PLAGL1: variants seen among roughly 807,000 people sequenced by gnomAD.
The protein encoded by PLAGL1 is zinc finger protein PLAGL1.
PLAGL1 carries 1 observed loss-of-function variant against 4.6 expected under a neutral mutation model. That is an observed-to-expected ratio of 0.22 (90% CI 0.08 to 1.03). PLAGL1 has a LOEUF of 1.03. Among genes scored for constraint, PLAGL1 ranks in the 50% least tolerant of loss-of-function variants. The pLI is 0.58. For missense variants in PLAGL1, 464 were observed against 570.4 expected (o/e 0.81, Z 1.90); for synonymous variants, 240 against 237.8 (o/e 1.01, Z -0.08).
At chr6:144,051,177 A>T (rs1042179276) in intron 1 of PLAGL1, among the ~76,000 whole-genome samples, 1 of 152,238 alleles carries the variant, frequency 6.6e-6, no homozygotes, top group African/African-American at 2.4e-5. Context: ...TTTTCTATAT[A>T]TCACACAATT....
At chr6:144,035,401 G>C (rs1218364221) in intron 1 of PLAGL1, among the ~76,000 whole-genome samples, 1 of 152,150 alleles carries the variant, frequency 6.6e-6, no homozygotes, top group Non-Finnish European at 1.5e-5. Context: ...AATGTTCAAG[G>C]GCAGCAAGCA....
At chr6:143,987,971 A>G (rs559564517) in intron 1 of PLAGL1, among the ~76,000 whole-genome samples, 1 of 152,210 alleles carries the variant, frequency 6.6e-6, no homozygotes, top group South Asian at 2.1e-4. Context: ...CTTGTTTCTC[A>G]TATCTTTCTA....
Position 143,948,220 on chromosome 6 carries a change from G to A in PLAGL1, c.-84C>T. On this transcript the variant is annotated 5_prime_UTR_variant, in exon 7 of 8. Coordinates refer to ENST00000674357, the MANE Select transcript of PLAGL1 (RefSeq NM_001317162.2). This position sits in a 1 kb window ranked among gnomAD's most constrained non-coding sequence, Gnocchi z 6.0. ...AGCACAAACAGAACGATGGTGCTGG[G>A]CACATCAGCAGAGTCCCTGCAGCTG... The A allele has an allele frequency of 7.8e-7, 1 of 1,285,290 alleles. No homozygotes were observed. Among genetic ancestry groups the A allele is most frequent in the Non-Finnish European group, 1.1e-6 (1 of 901,846 alleles). 79.6% of individuals were successfully genotyped at this position (1,285,290 alleles called of 1,614,324 possible). A position where few individuals can be genotyped will look rare whatever the true frequency, so the allele number is the denominator to read the frequency against.
chr6:144,033,691 G>A (rs779199522), intron 1 of PLAGL1, among the ~76,000 whole-genome samples: 11 of 152,218 alleles, frequency 7.2e-5, no homozygotes, highest in Non-Finnish European at 1.2e-4. Flanking sequence ...AGATGTCCAA[G>A]TTTAGAACTG....
rs1257837739 is a variant in PLAGL1, at chr6:143,960,948, C to G, written c.-398-406G>C. 1 of 152,132 alleles carries G rather than the reference C, an allele frequency of 6.6e-6. No individual in the cohort carries two copies. The highest frequency in any genetic ancestry group is 1.5e-5 in the Non-Finnish European group (1 of 68,016). The allele number at this position is 152,132 out of a possible 1,614,324, so 9.4% of individuals were successfully genotyped here. Reference sequence around the variant, plus strand: ...AATTGAAAGAAAGTCAGCAAATAACCAGTTGGCACTCAACAAAGGAGATTC... The same window carrying G: ...AATTGAAAGAAAGTCAGCAAATAACGAGTTGGCACTCAACAAAGGAGATTC... On this transcript the variant is annotated intron_variant, in intron 5 of 7. Coordinates refer to ENST00000674357, the MANE Select transcript of PLAGL1 (RefSeq NM_001317162.2). This position sits in a 1 kb window ranked among gnomAD's most constrained non-coding sequence, Gnocchi z 5.7.
At chr6:143,981,182 G>A (rs888324085) in intron 2 of PLAGL1, among the ~76,000 whole-genome samples, 5 of 142,796 alleles carry the variant, frequency 3.5e-5, no homozygotes, top group African/African-American at 1.0e-4. Context: ...TTGCCTCATC[G>A]CTGAAGCATT....
chr6:144,033,941 C>A (rs1216948171), intron 1 of PLAGL1, among the ~76,000 whole-genome samples: 1 of 152,166 alleles, frequency 6.6e-6, no homozygotes, highest in Non-Finnish European at 1.5e-5. Flanking sequence ...TATAAATGTG[C>A]TCCAAACACT....
Position 143,948,129 on chromosome 6 carries a change from G to A in PLAGL1, c.8C>T (p.Thr3Met), listed in dbSNP as rs529372879. 7.4e-6 allele frequency: 12 copies of A among 1,613,206 alleles called. No individual in the cohort carries two copies. Among genetic ancestry groups the A allele is most frequent in the Admixed American group, 5.0e-5 (3 of 59,988 alleles). ...CTTGCCACATAACTGGCAGGGGAAC[G>A]TGGCCATGGGCTTTGCTTCTCACAC... is the stretch of plus-strand genomic sequence containing the variant. MATFPCQLCGKTF... is the reference protein window; with the variant it reads MAMFPCQLCGKTF... Residue 3 changes from threonine (T) to methionine (M), a missense_variant, in exon 7 of 8, where the codon ACG (threonine) becomes ATG (methionine). Coordinates refer to ENST00000674357, the MANE Select transcript of PLAGL1 (RefSeq NM_001317162.2). This position sits in a 1 kb window ranked among gnomAD's most constrained non-coding sequence, Gnocchi z 6.0.
In PLAGL1 at chr6:144,054,084, TTTATAA is replaced by T. The variant is rs1475515889; in HGVS notation, c.-151+10378_-151+10383del. On this transcript the variant is annotated intron_variant, in intron 1 of 3. Coordinates refer to the PLAGL1 transcript ENST00000437412. ...TGTACCTATAAATCCAATAAAGTGC[TTTATAA>T]TTATAAAGTCTCATTCTATAACATA... Among the ~76,000 whole-genome samples, 22 of 152,348 alleles carry T rather than the reference TTTATAA, an allele frequency of 1.4e-4. No individual in the cohort carries two copies. In the East Asian group the frequency reaches 3.9e-3, roughly 27 times the overall value.
rs571723935 is a variant in PLAGL1 at position 143,965,553 on chromosome 6, AG to A, written c.-431+604del. The A allele has an allele frequency of 9.2e-5, 14 of 152,358 alleles. No homozygotes were observed. Among genetic ancestry groups the A allele is most frequent in the Admixed American group, 8.5e-4 (13 of 15,310 alleles). The allele number at this position is 152,358 out of a possible 1,614,324, so 9.4% of individuals were successfully genotyped here. On this transcript the variant is annotated intron_variant, in intron 4 of 7. Coordinates refer to ENST00000674357, the MANE Select transcript of PLAGL1 (RefSeq NM_001317162.2). This position sits in a 1 kb window ranked among gnomAD's most constrained non-coding sequence, Gnocchi z 7.5. ...CCTGTTGCAGAGGCAGAGATTGCCA[AG>A]ATGGTCTCCTTGGGGTTTGAGGCAC...
At chr6:144,010,732 G>C (rs745504625), upstream of PLAGL1, among the ~76,000 whole-genome samples, 2 of 152,156 alleles carry the variant, frequency 1.3e-5, no homozygotes, top group Non-Finnish European at 2.9e-5. This position sits in a 1 kb window ranked among gnomAD's most constrained non-coding sequence, Gnocchi z 4.1. Context: ...AACCAAAACT[G>C]CATGGTACTG....
rs901287523 is a variant in PLAGL1 at position 143,945,760 on chromosome 6, C to CT, written c.152+2224dup. 2.7e-3 allele frequency among the ~76,000 whole-genome samples: 412 copies of CT among 152,190 alleles called. 4 individuals carry two copies. The highest frequency in any genetic ancestry group is 9.4e-3 in the African/African-American group (391 of 41,544). ...AAAGTGCTGGGATTACAGGCATCAT[C>CT]TTTTTTTTAAAAGCAAAACCGAAAG... On this transcript the variant is annotated intron_variant, in intron 7 of 7. Coordinates refer to ENST00000674357, the MANE Select transcript of PLAGL1 (RefSeq NM_001317162.2). The surrounding 1 kb of genome is among the most constrained non-coding windows in gnomAD (Gnocchi z 4.2).
intron 1 of PLAGL1, among the ~76,000 whole-genome samples, chr6:144,043,200 TC>T (rs1281642426): frequency 6.6e-6 from 1 of 152,220 alleles, no homozygotes; most frequent in Non-Finnish European, 1.5e-5. Flanking sequence ...GGCCAGAACT[TC>T]CAACACTATG....
rs924012726 is a variant in PLAGL1 at position 144,059,790 on chromosome 6, C to T, written c.-151+4678G>A. 6.6e-6 allele frequency among the ~76,000 whole-genome samples: 1 copy of T among 152,138 alleles called. No homozygotes were observed. The highest frequency in any genetic ancestry group is 2.4e-5 in the African/African-American group (1 of 41,410). Reference sequence around the variant, plus strand: ...TCCCTGAGGCTGCCCTGCAAGTAAACCTGCTTTAGTCTTTTGGGGTACCTA... The same window carrying T: ...TCCCTGAGGCTGCCCTGCAAGTAAATCTGCTTTAGTCTTTTGGGGTACCTA... On this transcript the variant is annotated intron_variant, in intron 1 of 3. Transcript: ENST00000437412. The surrounding 1 kb of genome is among the most constrained non-coding windows in gnomAD (Gnocchi z 4.9).
In PLAGL1 at chr6:143,942,612, C is replaced by T; in HGVS notation, c.204G>A (p.Glu68=). ...PQKSHQCAHC[E]KTFNRKDHLK... ...GGTGGTCTTTCCGGTTGAACGTCTT[C>T]TCACAGTGAGCACACTGGTGAGATT... Residue 68 remains glutamate, a synonymous_variant, in exon 8 of 8, where the codon GAG becomes GAA. Coordinates refer to ENST00000674357, the MANE Select transcript of PLAGL1 (RefSeq NM_001317162.2). This position sits in a 1 kb window ranked among gnomAD's most constrained non-coding sequence, Gnocchi z 7.6. 1.9e-6 allele frequency: 3 copies of T among 1,614,134 alleles called. No homozygotes were observed. Among genetic ancestry groups the T allele is most frequent in the Non-Finnish European group, 2.5e-6 (3 of 1,179,998 alleles).
At chr6:143,974,971 T>C (rs867402714) in intron 2 of PLAGL1, among the ~76,000 whole-genome samples, 8 of 152,182 alleles carry the variant, frequency 5.3e-5, no homozygotes, top group South Asian at 2.1e-4. Flanking sequence ...TTCAAAAGCA[T>C]TTACAAAACA....
intron 1 of PLAGL1, among the ~76,000 whole-genome samples, chr6:144,051,870 A>G (rs994805337): frequency 1.3e-5 from 2 of 152,310 alleles, no homozygotes; most frequent in East Asian, 1.9e-4. Flanking sequence ...ATCACCTCCC[A>G]CTGGGTTACT....
At chr6:143,993,591 T>A (rs577760305) in intron 1 of PLAGL1, among the ~76,000 whole-genome samples, 27 of 152,216 alleles carry the variant, frequency 1.8e-4, no homozygotes, top group East Asian at 1.4e-3. Context: ...AACTTTTTTT[T>A]AAAAAAACTA....
rs1298853989 is a variant in PLAGL1, at chr6:143,982,768, C to T, written c.-544+2367G>A. ...TGAGGATGCTGCAAAGGCACCTGGC[C>T]TGTGCAACTGGAAGAAGAGTCTTCC... On this transcript the variant is annotated intron_variant, in intron 2 of 7. Transcript: ENST00000674357. The surrounding 1 kb of genome is among the most constrained non-coding windows in gnomAD (Gnocchi z 5.3). Among the ~76,000 whole-genome samples, 1 of 152,010 alleles carries T rather than the reference C, an allele frequency of 6.6e-6. No homozygotes were observed. The highest frequency in any genetic ancestry group is 1.5e-5 in the Non-Finnish European group (1 of 68,006).
Sources: gnomAD v4.1 joint callset for allele counts (sites outside exome capture counted in the v4.1 genomes callset) on GRCh38, gnomAD v4.1.1 for gene constraint, Gnocchi (gnomAD v3.1) non-coding constraint, MANE v1.5 for transcripts, NCBI Gene and HGNC (gene_info 2026-07-23, HGNC 2026-07-21) for gene names.